The following FHL1 variants were observed in gnomAD, a reference collection of about 807,000 sequenced individuals.
FHL1 encodes the protein four and a half LIM domains 1.
In FHL1, 1 loss-of-function variant was observed where a neutral mutation model predicts 20.3. The ratio of observed to expected loss-of-function variants is 0.05; its 90% confidence interval spans 0.02 to 0.23. FHL1 has a LOEUF of 0.23. Ranked by LOEUF, FHL1 falls within the 10% of genes least tolerant of loss-of-function variation. FHL1 has a pLI of 1.00. For synonymous variants in FHL1, 82 were observed against 88.9 expected (o/e 0.92, Z 0.44); for missense variants, 177 against 234.0 (o/e 0.76, Z 1.59).
At chrX:136,205,782 G>A (rs922035980) in intron 1 of FHL1, among the ~76,000 whole-genome samples, 4 of 111,572 alleles carry the variant, frequency 3.6e-5, no homozygotes, top group African/African-American at 9.8e-5. Context: ...GGAGGAACGG[G>A]AGGCCTCCAG....
chrX:136,173,491 A>G (rs1603253000), intron 2 of FHL1, among the ~76,000 whole-genome samples: 1 of 112,126 alleles, frequency 8.9e-6, no homozygotes, highest in East Asian at 2.8e-4. Context: ...TTTAGAGCCA[A>G]GGTCTCAAAC....
intron 5 of FHL1, chrX:136,209,426 C>T: frequency 2.5e-6 from 3 of 1,210,788 alleles, no homozygotes; most frequent in Non-Finnish European, 3.4e-6. Flanking sequence ...CGAAGCTTAG[C>T]AGCTCCTCGA....
At chrX:136,156,367 C>T (rs1212168507) in intron 1 of FHL1, among the ~76,000 whole-genome samples, 1 of 106,974 alleles carries the variant, frequency 9.3e-6, no homozygotes, top group Non-Finnish European at 1.9e-5. Context: ...ACTACAACCT[C>T]TGCCTCCGGG....
chrX:136,177,039 CACACACAT>C, intron 2 of FHL1, among the ~76,000 whole-genome samples: 1 of 110,015 alleles, frequency 9.1e-6, no homozygotes, highest in South Asian at 3.9e-4. Flanking sequence ...CACACACACA[CACACACAT>C]AATGTCTCAA....
intron 2 of FHL1, among the ~76,000 whole-genome samples, chrX:136,175,354 T>C (rs186669699): frequency 8.6e-4 from 97 of 112,770 alleles, no homozygotes; most frequent in African/African-American, 2.9e-3. Context: ...TATGCACTTA[T>C]TCACTGCTGG....
intron 1 of FHL1, among the ~76,000 whole-genome samples, chrX:136,199,526 C>T (rs1002720305): frequency 3.6e-5 from 4 of 112,396 alleles, no homozygotes; most frequent in Non-Finnish European, 7.5e-5. Flanking sequence ...AAATGTCTGA[C>T]GACACCTCCA....
chrX:136,182,470 G>A (rs1004274521), intron 2 of FHL1, among the ~76,000 whole-genome samples: 3 of 112,208 alleles, frequency 2.7e-5, no homozygotes, highest in Admixed American at 9.5e-5. Context: ...AAAGGTTCTC[G>A]TGTATGGCTT....
chrX:136,188,772 G>A (rs1033117144), intron 2 of FHL1, among the ~76,000 whole-genome samples: 6 of 110,932 alleles, frequency 5.4e-5, no homozygotes, highest in African/African-American at 2.0e-4. Flanking sequence ...TTGGTCAAGA[G>A]TCGGGTAGAT....
intron 1 of FHL1, among the ~76,000 whole-genome samples, chrX:136,159,067 G>A (rs183576506): frequency 9.2e-6 from 1 of 108,545 alleles, no homozygotes; most frequent in Non-Finnish European, 1.9e-5. Context: ...GGGAAACTGG[G>A]AGATGGATGC....
chrX:136,188,714 C>G, intron 2 of FHL1, among the ~76,000 whole-genome samples: 1 of 110,828 alleles, frequency 9.0e-6, no homozygotes, highest in Non-Finnish European at 1.9e-5. Context: ...GATGCTTTAG[C>G]CGGAGTTCAT....
Position 136,210,746 on chromosome X carries a change from A to G in FHL1, c.*721A>G. 1 of 388,476 alleles carries G rather than the reference A, an allele frequency of 2.6e-6. No individual in the cohort carries two copies. Among genetic ancestry groups the G allele is most frequent in the South Asian group, 2.6e-5 (1 of 38,941 alleles). 32.0% of individuals were successfully genotyped at this position (388,476 alleles called of 1,213,427 possible). A position where few individuals can be genotyped will look rare whatever the true frequency, so the allele number is the denominator to read the frequency against. ...GAGAAAACGAGCCTGTTTCAGAGGA[A>G]CATCGTCACAACGAATACTTCTGGA... On this transcript the variant is annotated 3_prime_UTR_variant, in exon 6 of 6. Transcript: ENST00000370683.
chrX:136,166,420 C>T (rs1007974789), upstream of FHL1, among the ~76,000 whole-genome samples: 11 of 111,433 alleles, frequency 9.9e-5, no homozygotes, highest in African/African-American at 3.6e-4. Context: ...ACATGAAATG[C>T]AAGGACTTTC....
At chrX:136,164,314 C>A (rs1214568036) in intron 1 of FHL1, among the ~76,000 whole-genome samples, 1 of 108,038 alleles carries the variant, frequency 9.3e-6, no homozygotes, top group Non-Finnish European at 1.9e-5. Flanking sequence ...TCAAGTGATT[C>A]TCGTGTCTCG....
At chrX:136,164,323 C>T (rs1017038343) in intron 1 of FHL1, among the ~76,000 whole-genome samples, 3 of 108,430 alleles carry the variant, frequency 2.8e-5, no homozygotes, top group Non-Finnish European at 5.7e-5. Flanking sequence ...TCTCGTGTCT[C>T]GGCCTCCCAA....
At chrX:136,193,648 C>A (rs776717214), upstream of FHL1, among the ~76,000 whole-genome samples, 3 of 111,151 alleles carry the variant, frequency 2.7e-5, no homozygotes, top group Non-Finnish European at 5.7e-5. Flanking sequence ...TGGCTCCTTC[C>A]CCTTCTTTCA....
intron 2 of FHL1, among the ~76,000 whole-genome samples, chrX:136,179,644 A>G (rs1020850936): frequency 4.5e-5 from 5 of 112,155 alleles, no homozygotes; most frequent in African/African-American, 9.7e-5. Context: ...TAGAGATACA[A>G]TTAATTGAAT....
At chrX:136,168,507 A>C (rs1006885296), upstream of FHL1, among the ~76,000 whole-genome samples, 1 of 112,105 alleles carries the variant, frequency 8.9e-6, no homozygotes, top group African/African-American at 3.2e-5. Flanking sequence ...ACTTAAGTAC[A>C]GGTGGGAGGA....
intron 1 of FHL1, chrX:136,204,829 T>C (rs1487262951): frequency 8.9e-6 from 1 of 112,018 alleles, no homozygotes; most frequent in Non-Finnish European, 1.9e-5. Context: ...TGCTGTTTGG[T>C]TGCTCATGGC....
intron 2 of FHL1, among the ~76,000 whole-genome samples, chrX:136,181,783 C>T (rs1388711119): frequency 1.8e-5 from 2 of 112,098 alleles, no homozygotes; most frequent in Admixed American, 9.4e-5. Context: ...TTGCAGTGGC[C>T]ATCTTTATCC....
Sources: allele counts gnomAD v4.1 joint callset (sites outside exome capture counted in the v4.1 genomes callset), GRCh38; gene constraint gnomAD v4.1.1; transcripts MANE v1.5; gene names NCBI Gene and HGNC (gene_info 2026-07-23, HGNC 2026-07-21).